DNAH14: variants seen among roughly 807,000 people sequenced by gnomAD.
DNAH14 encodes dynein axonemal heavy chain 14.
DNAH14 carries 478 observed loss-of-function variants against 520.9 expected under a neutral mutation model. That is an observed-to-expected ratio of 0.92 (90% CI 0.85 to 0.99). DNAH14 has a LOEUF of 0.99. Ranked by LOEUF, DNAH14 falls within the 50% of genes least tolerant of loss-of-function variation. The pLI, the probability that DNAH14 is intolerant of heterozygous loss-of-function variation, is 0.00. For missense variants in DNAH14, 4,831 were observed against 5,234.5 expected (o/e 0.92, Z 2.38); for synonymous variants, 1,581 against 1,757.2 (o/e 0.90, Z 2.51).
chr1:225,139,439 G>A (rs560464256), intron 27 of DNAH14, among the ~76,000 whole-genome samples: 20 of 152,222 alleles, frequency 1.3e-4, no homozygotes, highest in South Asian at 4.1e-4. Context: ...CTTACCTACT[G>A]CTCATTTTCC....
At chr1:224,947,817 G>A (rs1191084531) in intron 1 of DNAH14, among the ~76,000 whole-genome samples, 2 of 151,278 alleles carry the variant, frequency 1.3e-5, no homozygotes, top group African/African-American at 2.4e-5. Flanking sequence ...ATTTAGACAG[G>A]TATTTCTTTA....
chr1:225,182,784 T>G (rs1349373250), intron 36 of DNAH14, among the ~76,000 whole-genome samples: 1 of 152,088 alleles, frequency 6.6e-6, no homozygotes, highest in Non-Finnish European at 1.5e-5. Context: ...AAGAGAGTAT[T>G]TAGACTCACT....
At chr1:225,344,511 A>G (rs1335129139) in intron 69 of DNAH14, among the ~76,000 whole-genome samples, 1 of 152,118 alleles carries the variant, frequency 6.6e-6, no homozygotes, top group African/African-American at 2.4e-5. Context: ...TAGTTTGCTA[A>G]GGATAATGGC....
At chr1:225,167,440 G>C (rs2082138878) in intron 35 of DNAH14, among the ~76,000 whole-genome samples, 1 of 152,018 alleles carries the variant, frequency 6.6e-6, no homozygotes. Context: ...GCTGCTCTTT[G>C]GACTATTTTA....
chr1:225,007,531 G>T lies in DNAH14; in HGVS notation c.1094G>T (p.Ser365Ile). Residue 365 changes from serine to isoleucine, a missense_variant, in exon 10 of 86, where the codon AGT (serine) becomes ATT (isoleucine). Physicochemically the swap from Ser to Ile is moderately radical, Grantham distance 142. Coordinates refer to ENST00000682510, the MANE Select transcript of DNAH14 (RefSeq NM_001367479.1). ...AATAAAGCAATTTCAGAGATGAAAA[G>T]TACTTTTCTAAAGGTAATTCTTTAA... ...IRNKAISEMK[S>I]TFLKVAEKNE... is the part of the protein sequence containing the mutation. 6.5e-7 allele frequency: 1 copy of T among 1,527,464 alleles called. No homozygotes were observed. Among genetic ancestry groups the T allele is most frequent in the Non-Finnish European group, 8.8e-7 (1 of 1,134,000 alleles). The allele number at this position is 1,527,464 out of a possible 1,614,324, so 94.6% of individuals were successfully genotyped here. A position where few individuals can be genotyped will look rare whatever the true frequency, so the allele number is the denominator to read the frequency against.
At chr1:225,216,677 T>G (rs914691502) in intron 41 of DNAH14, among the ~76,000 whole-genome samples, 1 of 152,208 alleles carries the variant, frequency 6.6e-6, no homozygotes, top group African/African-American at 2.4e-5. Context: ...TTTCTTCCAC[T>G]TGATCAAATT....
chr1:225,366,253 G>A (rs1336274611), intron 76 of DNAH14, among the ~76,000 whole-genome samples: 2 of 152,132 alleles, frequency 1.3e-5, no homozygotes, highest in African/African-American at 4.8e-5. Flanking sequence ...AATCCAGAAA[G>A]GAAGGTAATT....
chr1:225,005,470 A>G (rs963940703), intron 9 of DNAH14, among the ~76,000 whole-genome samples: 9 of 152,172 alleles, frequency 5.9e-5, no homozygotes, highest in African/African-American at 9.6e-5. Flanking sequence ...GATAGAGATC[A>G]ATTATTATAG....
At chr1:225,179,805 A>G (rs2083753572) in intron 36 of DNAH14, among the ~76,000 whole-genome samples, 1 of 152,168 alleles carries the variant, frequency 6.6e-6, no homozygotes, top group Non-Finnish European at 1.5e-5. Flanking sequence ...TCTGATGGTG[A>G]TGAATCCCCT....
intron 48 of DNAH14, 24 bp from the exon 49 acceptor site, chr1:225,266,617 T>G (rs185118595): frequency 8.3e-6 from 12 of 1,437,536 alleles, no homozygotes; most frequent in Non-Finnish European, 1.0e-5. Context: ...ATATATATGT[T>G]TAAAACCTTT....
At chr1:225,336,715 A>T (rs2095063228) in intron 66 of DNAH14, among the ~76,000 whole-genome samples, 1 of 152,192 alleles carries the variant, frequency 6.6e-6, no homozygotes, top group Admixed American at 6.5e-5. Flanking sequence ...ACAGGCCACA[A>T]ATCAAGTTTC....
chr1:225,264,282 T>G (rs1038725276), intron 47 of DNAH14, 21 bp downstream of exon 47: 2 of 1,527,160 alleles, frequency 1.3e-6, no homozygotes, highest in Non-Finnish European at 1.8e-6. Flanking sequence ...TAGTACAGTT[T>G]CAAAGCTATG....
intron 21 of DNAH14, among the ~76,000 whole-genome samples, chr1:225,091,860 G>A (rs998140408): frequency 5.3e-5 from 8 of 151,924 alleles, no homozygotes; most frequent in African/African-American, 1.9e-4. Flanking sequence ...TAGGGTCAAA[G>A]AAAAGGATGG....
intron 23 of DNAH14, among the ~76,000 whole-genome samples, chr1:225,116,734 A>C (rs990656999): frequency 3.9e-5 from 6 of 152,224 alleles, no homozygotes; most frequent in Admixed American, 6.5e-5. Context: ...GATGGAAAAT[A>C]ATAAGACGTA....
At chr1:224,959,205 C>A (rs78399974) in intron 3 of DNAH14, among the ~76,000 whole-genome samples, 4,110 of 152,058 alleles carry the variant, frequency 0.027, 79 homozygotes, top group Non-Finnish European at 0.038. Context: ...CCACTAATGC[C>A]CACATTTTTT....
At chr1:225,246,105 C>CAAAAAAAAAAAAA (rs140007042) in intron 43 of DNAH14, among the ~76,000 whole-genome samples, 1 of 77,728 alleles carries the variant, frequency 1.3e-5, no homozygotes, top group African/African-American at 4.8e-5. Flanking sequence ...ACAAACCTGG[C>CAAAAAAAAAAAAA]AAAAAAAAAA....
intron 41 of DNAH14, 64 bp downstream of exon 41, chr1:225,207,284 C>T (rs961520453): frequency 1.4e-5 from 19 of 1,378,166 alleles, no homozygotes; most frequent in African/African-American, 1.1e-4. Flanking sequence ...AATTCATCAC[C>T]GTCTATTAGA....
At chr1:224,934,629 A>G (rs548637288) in intron 1 of DNAH14, among the ~76,000 whole-genome samples, 2 of 152,002 alleles carry the variant, frequency 1.3e-5, no homozygotes, top group South Asian at 4.1e-4. Flanking sequence ...AAAATACTAG[A>G]TAAAAACTTC....
rs371043162 is a variant in DNAH14, at chr1:225,305,472, G to T, written c.9005+383G>T. Among the ~76,000 whole-genome samples the T allele has an allele frequency of 6.3e-4, 96 of 152,312 alleles. 3 individuals are homozygous for T. In the South Asian group the frequency reaches 0.019, roughly 30 times the overall value. On this transcript the variant is annotated intron_variant, in intron 58 of 85. Transcript: ENST00000682510. The stretch of plus-strand genomic sequence containing the variant: ...CAGATAGTGGAACACCTACTAAGCA[G>T]TTTTATAGCCAGCAGTGGTACCTGA...
Sources: gnomAD v4.1 joint callset for allele counts (sites outside exome capture counted in the v4.1 genomes callset) on GRCh38, gnomAD v4.1.1 for gene constraint, MANE v1.5 for transcripts, NCBI Gene and HGNC (gene_info 2026-07-23, HGNC 2026-07-21) for gene names.